Variants in ZMYM3 observed in about 807,000 individuals in gnomAD.
The protein encoded by ZMYM3 is zinc finger MYM-type protein 3.
In ZMYM3, 6 loss-of-function variants were observed where a neutral mutation model predicts 94.2. That is an observed-to-expected ratio of 0.06 (90% confidence interval 0.03 to 0.13). The LOEUF is 0.13. Ranked by LOEUF, ZMYM3 falls within the 10% of genes least tolerant of loss-of-function variation. ZMYM3 has a pLI of 1.00. For missense variants in ZMYM3, 664 were observed against 1,132.6 expected (o/e 0.59, Z 5.94); for synonymous variants, 420 against 426.5 (o/e 0.98, Z 0.19).
At chrX:71,251,356 C>A in intron 3 of ZMYM3, 112 bp from the exon 4 acceptor site, 3 of 957,611 alleles carry the variant, frequency 3.1e-6, no homozygotes, top group Non-Finnish European at 4.4e-6. Context: ...GAGTGGGGAC[C>A]CTTGGCCCAG....
At chrX:71,244,513 A>G in intron 19 of ZMYM3, 43 bp from the exon 20 acceptor site, 1 of 1,189,977 alleles carries the variant, frequency 8.4e-7, no homozygotes. Context: ...AGGTAAGGCC[A>G]GAGGCAAGGT....
In ZMYM3 at chrX:71,242,152, G is replaced by A. The variant is rs747749433; in HGVS notation, c.3802+18C>T. ...GCAGAGAAGGGGCAAAAGCACAGGG[G>A]AGGGGGCAGCCTCGTACCTCGCCCT... On this transcript the variant is annotated intron_variant, in intron 23 of 24. Transcript: ENST00000314425. 1 of 1,168,606 alleles carries A rather than the reference G, an allele frequency of 8.6e-7. No homozygotes were observed. Among genetic ancestry groups the A allele is most frequent in the East Asian group, 3.2e-5 (1 of 31,151 alleles).
intron 22 of ZMYM3, 146 bp from the exon 23 acceptor site, chrX:71,242,570 A>G (rs1229228152): frequency 5.2e-6 from 4 of 771,435 alleles, no homozygotes; most frequent in East Asian, 3.4e-5. Context: ...ACTTCGCTAC[A>G]CTTGCTACAC....
chrX:71,246,476 T>C lies in ZMYM3; in HGVS notation c.2449A>G (p.Thr817Ala). 9.9e-6 allele frequency: 1 copy of C among 100,744 alleles called. No individual in the cohort carries two copies. Among genetic ancestry groups the C allele is most frequent in the African/African-American group, 1.1e-4 (1 of 8,861 alleles). 8.3% of individuals were successfully genotyped at this position (100,744 alleles called of 1,213,427 possible). A position where few individuals can be genotyped will look rare whatever the true frequency, so the allele number is the denominator to read the frequency against. ...GCTGGGGGTGGTGGGGGTGGAGGGG[T>C]GGGAGCAGTGGGAGCTGATCGGGTC... Reference protein sequence around the residue: ...VKTRSAPTAPTPPPPPPPATP... With the variant: ...VKTRSAPTAPAPPPPPPPATP... Residue 817 changes from threonine (T) to alanine (A), a missense_variant, in exon 15 of 25, where the codon ACC becomes GCC. Thr to Ala is a moderately conservative substitution (Grantham distance 58). This residue lies in a region of ZMYM3 where 57 missense variants were observed against 52.0 expected (regional missense o/e 1.10). Transcript: ENST00000314425.
Position 71,248,771 on chromosome X carries a change from C to T in ZMYM3, c.1652G>A (p.Arg551His), listed in dbSNP as rs370720584. ...GPPRPCSFCR[R>H]SLSDPCYYNK... ...GTAGTAACAGGGGTCAGAGAGGCTG[C>T]GGCGGCAGAAGCTGCAGGGTCGGGG... The change falls in exon 9 of 25, where the codon CGC (arginine) becomes CAC (histidine). Residue 551 changes from arginine (R) to histidine (H), a missense_variant. Around this residue, in one of 9 missense-constraint regions of ZMYM3, gnomAD observed 159 missense variants for 313.0 expected, o/e 0.51. Transcript: ENST00000314425. 8.3e-7 allele frequency: 1 copy of T among 1,205,671 alleles called. No homozygotes were observed. The highest frequency in any genetic ancestry group is 1.1e-6 in the Non-Finnish European group (1 of 892,930).
chrX:71,247,693 T>C (rs2030245876), intron 12 of ZMYM3, 41 bp downstream of exon 12: 2 of 1,191,702 alleles, frequency 1.7e-6, no homozygotes, highest in South Asian at 1.9e-5. Context: ...TGCTCCCCAC[T>C]GCCCTCTTTC....
chrX:71,251,281 C>A, intron 3 of ZMYM3, 37 bp from the exon 4 acceptor site: 1 of 1,171,961 alleles, frequency 8.5e-7, no homozygotes, highest in Non-Finnish European at 1.2e-6. Flanking sequence ...GGAAAACTGA[C>A]ACCCTGGCCA....
chrX:71,248,228 G>C lies in ZMYM3; in HGVS notation c.1909C>G (p.Arg637Gly), dbSNP rs1174153455. 1 of 1,208,308 alleles carries C rather than the reference G, an allele frequency of 8.3e-7. No individual in the cohort carries two copies. The change falls in exon 11 of 25, where the codon CGG becomes GGG. Residue 637 changes from arginine (R) to glycine (G), a missense_variant. Coordinates refer to ENST00000314425, the MANE Select transcript of ZMYM3 (RefSeq NM_201599.3). ...TTCTCATGCAAGAGTTTCTCCTGCC[G>C]ACAGTGCTCACACTGGGACACCACA... Reference protein sequence around the residue: ...RGVVSQCEHCRQEKLLHEKLR... With the variant: ...RGVVSQCEHCGQEKLLHEKLR...
In ZMYM3 at chrX:71,250,600, C is replaced by T. The variant is rs2030411798; in HGVS notation, c.905G>A (p.Arg302His). 3.3e-6 allele frequency: 4 copies of T among 1,211,556 alleles called. No homozygotes were observed. Among genetic ancestry groups the T allele is most frequent in the Non-Finnish European group, 4.5e-6 (4 of 895,332 alleles). ...LRSSVSQRAG[R>H]SAVGTKMTCA... Reference sequence around the variant, plus strand: ...AGTCATCTTGGTGCCCACTGCAGAGCGCCCGGCCCTTTGTGACACACTTGA... The same window carrying T: ...AGTCATCTTGGTGCCCACTGCAGAGTGCCCGGCCCTTTGTGACACACTTGA... Residue 302 changes from arginine (R) to histidine (H), a missense_variant, in exon 5 of 25, where the codon CGC becomes CAC. Arg to His is a conservative substitution (Grantham distance 29, BLOSUM62 0). Around this residue, in one of 9 missense-constraint regions of ZMYM3, gnomAD observed 45 missense variants for 92.9 expected, o/e 0.48. Transcript: ENST00000314425.
At position 71,246,626 on chromosome X, in the gene ZMYM3, C is replaced by T. The variant is rs1414898249; in HGVS notation, c.2381G>A (p.Arg794Lys). Residue 794 changes from arginine to lysine, a missense_variant, in exon 14 of 25, where the codon AGG becomes AAG. Around this residue, in one of 9 missense-constraint regions of ZMYM3, gnomAD observed 57 missense variants for 52.0 expected, o/e 1.10. Coordinates refer to ENST00000314425, the MANE Select transcript of ZMYM3 (RefSeq NM_201599.3). Reference sequence around the variant, plus strand: ...CAAATTCCCATTTTCCTCTGGGGTCCTCACTGTGTTGCTGTTCTCCACTTT... The same window carrying T: ...CAAATTCCCATTTTCCTCTGGGGTCTTCACTGTGTTGCTGTTCTCCACTTT... Reference protein sequence around the residue: ...QTKVENSNTVRTPEENGNLGK... With the variant: ...QTKVENSNTVKTPEENGNLGK... 9 of 1,211,800 alleles carry T rather than the reference C, an allele frequency of 7.4e-6. No individual in the cohort carries two copies. Among genetic ancestry groups the T allele is most frequent in the Non-Finnish European group, 8.9e-6 (8 of 895,473 alleles).
chrX:71,248,880 T>C lies in ZMYM3; in HGVS notation c.1622-79A>G. On this transcript the variant is annotated intron_variant, in intron 8 of 24. Transcript: ENST00000314425. ...AGAGCACACAGAAGGTGTAAGGCAG[T>C]GTAAGAGACGAACAGAAAATCCATG... is the stretch of plus-strand genomic sequence containing the variant. 4 of 1,089,317 alleles carry C rather than the reference T, an allele frequency of 3.7e-6. No individual in the cohort carries two copies. The East Asian group carries it at 1.3e-4, about 35-fold the overall frequency. 89.8% of individuals were successfully genotyped at this position (1,089,317 alleles called of 1,213,427 possible).
chrX:71,255,041 C>G (rs2030685871), upstream of ZMYM3: 1 of 105,642 alleles, frequency 9.5e-6, no homozygotes, highest in Non-Finnish European at 1.9e-5. Context: ...CCTGCAGGAG[C>G]TCCCTGTATT....
At position 71,245,483 on chromosome X, in the gene ZMYM3, G is replaced by C; in HGVS notation, c.2863C>G (p.Leu955Val). 1 of 1,204,861 alleles carries C rather than the reference G, an allele frequency of 8.3e-7. No homozygotes were observed. The highest frequency in any genetic ancestry group is 1.1e-6 in the Non-Finnish European group (1 of 892,197). The change falls in exon 18 of 25, where the codon CTT (leucine) becomes GTT (valine). Residue 955 changes from leucine (L) to valine (V), a missense_variant and splice_region_variant. This residue lies in a region of ZMYM3 where 75 missense variants were observed against 152.5 expected (regional missense o/e 0.49). Coordinates refer to ENST00000314425, the MANE Select transcript of ZMYM3 (RefSeq NM_201599.3). ...LDKASSDLCD[L>V]VSNQSAEGLL... is the part of the protein sequence containing the mutation. ...CCCTCTGCACTCTGGTTGCTCACAAGATCTGGGAAGCAGAGAAGTTGGCTC... is the reference window on the plus strand; with the variant it reads ...CCCTCTGCACTCTGGTTGCTCACAACATCTGGGAAGCAGAGAAGTTGGCTC...
chrX:71,245,379 C>T lies in ZMYM3; in HGVS notation c.2967G>A (p.Leu989=). Reference sequence around the variant, plus strand: ...CCTCCAAGTCTTGCCCAGGCTCATCCAAGACATTGGCCATCTTGACTGCCA... The same window carrying T: ...CCTCCAAGTCTTGCCCAGGCTCATCTAAGACATTGGCCATCTTGACTGCCA... ...LAMAVKMANV[L]DEPGQDLEAD... Residue 989 remains leucine, a synonymous_variant, in exon 18 of 25, where the codon TTG becomes TTA. Transcript: ENST00000314425. 8.3e-7 allele frequency: 1 copy of T among 1,211,776 alleles called. No individual in the cohort carries two copies. The highest frequency in any genetic ancestry group is 1.1e-6 in the Non-Finnish European group (1 of 895,555).
At chrX:71,250,281 C>T (rs1381564631) in intron 5 of ZMYM3, 78 bp from the exon 6 acceptor site, 5 of 1,097,230 alleles carry the variant, frequency 4.6e-6, no homozygotes, top group Middle Eastern at 2.7e-4. Context: ...CCTCCAGGAT[C>T]AATGACCACA....
In ZMYM3 at chrX:71,246,625, C is replaced by A. The variant is rs772505537; in HGVS notation, c.2382G>T (p.Arg794Ser). Residue 794 changes from arginine to serine, a missense_variant, in exon 14 of 25, where the codon AGG (arginine) becomes AGT (serine). Coordinates refer to ENST00000314425, the MANE Select transcript of ZMYM3 (RefSeq NM_201599.3). Reference protein sequence around the residue: ...QTKVENSNTVRTPEENGNLGK... With the variant: ...QTKVENSNTVSTPEENGNLGK... ...CCAAATTCCCATTTTCCTCTGGGGT[C>A]CTCACTGTGTTGCTGTTCTCCACTT... 3 of 1,211,813 alleles carry A rather than the reference C, an allele frequency of 2.5e-6. No individual in the cohort carries two copies. The Admixed American group carries it at 6.5e-5, about 26-fold the overall frequency.
chrX:71,246,779 G>A, intron 13 of ZMYM3, 87 bp from the exon 14 acceptor site: 1 of 907,166 alleles, frequency 1.1e-6, no homozygotes, highest in Admixed American at 3.0e-5. Context: ...TTCATTAACA[G>A]GTACACCAAA....
At position 71,248,205 on chromosome X, in the gene ZMYM3, C is replaced by T; in HGVS notation, c.1932G>A (p.Glu644=). 8.3e-7 allele frequency: 1 copy of T among 1,210,803 alleles called. No homozygotes were observed. Among genetic ancestry groups the T allele is most frequent in the African/African-American group, 1.7e-5 (1 of 57,948 alleles). The part of the protein sequence containing the change: ...EHCRQEKLLH[E]KLRFSGVEKS... ...TCTCCACTCCGCTGAATCGGAGTTT[C>T]TCATGCAAGAGTTTCTCCTGCCGAC... is the stretch of plus-strand genomic sequence containing the variant. The change falls in exon 11 of 25, where the codon GAG becomes GAA. Residue 644 remains glutamate (E), a synonymous_variant. Transcript: ENST00000314425.
At chrX:71,255,084 A>ATCTCTCTCTCTCTCTCTCTCTC (rs61261611), upstream of ZMYM3, 3 of 20,844 alleles carry the variant, frequency 1.4e-4, no homozygotes, top group Admixed American at 1.6e-3. Context: ...ACCAGGGCTG[A>ATCTCTCTCTCTCTCTCTCTCTC]TCTCTCTCTC....
Sources: gnomAD v4.1 joint callset for allele counts on GRCh38, gnomAD v4.1.1 for gene constraint, gnomAD v4.1.1 regional missense constraint, MANE v1.5 for transcripts, NCBI Gene and HGNC (gene_info 2026-07-23, HGNC 2026-07-21) for gene names.